CEBPZ: variants seen among roughly 807,000 people sequenced by gnomAD.
CEBPZ encodes the protein CCAAT/enhancer-binding protein zeta.
A neutral mutation model predicts 104.5 loss-of-function variants in CEBPZ; 78 were observed. That is an observed-to-expected ratio of 0.75 (90% confidence interval 0.62 to 0.90). The LOEUF (loss-of-function observed/expected upper bound fraction) is 0.90, where lower values mean the gene tolerates loss of function less well. Among genes scored for constraint, CEBPZ ranks in the 40% least tolerant of loss-of-function variants. The probability of loss-of-function intolerance (pLI) is 0.00; values close to 1 mark genes in which losing one functional copy is unlikely to be tolerated. For missense variants in CEBPZ, 1,439 were observed against 1,233.5 expected, an observed-to-expected ratio of 1.17 and a Z score of -2.50; for synonymous variants, 470 against 427.0, an observed-to-expected ratio of 1.10 and a Z score of -1.24.
At chr2:37,226,795 C>T (rs939127007) in intron 2 of CEBPZ, among the ~76,000 whole-genome samples, 1 of 152,130 alleles carries the variant, frequency 6.6e-6, no homozygotes, top group Admixed American at 6.5e-5. Context: ...AACACAGTTG[C>T]TATGTTCGAC....
rs1665114643 is a variant in CEBPZ, at chr2:37,231,572, G to C, written c.-5C>G. The C allele has an allele frequency of 6.2e-7, 1 of 1,614,112 alleles. No individual in the cohort carries two copies. Among genetic ancestry groups the C allele is most frequent in the African/African-American group, 1.3e-5 (1 of 74,944 alleles). On this transcript the variant is annotated 5_prime_UTR_variant, in exon 1 of 16. Coordinates refer to ENST00000234170, the MANE Select transcript of CEBPZ (RefSeq NM_005760.3). ...AGGCTCCTTGACTGCGGCCATGGCG[G>C]GCAAAGCATACGCGCGTGAAACTCA...
chr2:37,211,357 C>T (rs1294306323), intron 12 of CEBPZ: 1 of 280,294 alleles, frequency 3.6e-6, no homozygotes, highest in South Asian at 1.3e-4. Context: ...CAAGAAACTT[C>T]TGCTGTGGTT....
rs140254376 is a variant in CEBPZ at position 37,201,988 on chromosome 2, A to G, written c.3026-85T>C. 668 of 1,323,132 alleles carry G rather than the reference A, an allele frequency of 5.0e-4. 3 individuals are homozygous for G. The African/African-American group carries it at 7.2e-3, about 14-fold the overall frequency. 82.0% of individuals were successfully genotyped at this position (1,323,132 alleles called of 1,614,324 possible). On this transcript the variant is annotated intron_variant, in intron 15 of 15. Coordinates refer to ENST00000234170, the MANE Select transcript of CEBPZ (RefSeq NM_005760.3). ...CAGAACATGCTGCTGAGTCACAGGA[A>G]CTTCTAGCCTGCCTTGGCCTGTGGT...
chr2:37,223,424 A>G, intron 2 of CEBPZ, 23 bp from the exon 3 acceptor site: 3 of 1,593,112 alleles, frequency 1.9e-6, no homozygotes, highest in Non-Finnish European at 2.6e-6. Context: ...ACCAAGGTCA[A>G]ATATTTATGT....
At chr2:37,219,550 A>C (rs1664714685) in intron 5 of CEBPZ, among the ~76,000 whole-genome samples, 1 of 152,144 alleles carries the variant, frequency 6.6e-6, no homozygotes, top group African/African-American at 2.4e-5. Context: ...CACAGTGATG[A>C]AAACAAATAA....
At chr2:37,206,226 A>G (rs1315131312) in intron 13 of CEBPZ, among the ~76,000 whole-genome samples, 1 of 152,262 alleles carries the variant, frequency 6.6e-6, no homozygotes, top group Non-Finnish European at 1.5e-5. Flanking sequence ...AGCGTGTGGC[A>G]ACGTGTTTAG....
At chr2:37,214,537 G>A (rs1478103831) in intron 9 of CEBPZ, among the ~76,000 whole-genome samples, 2 of 151,882 alleles carry the variant, frequency 1.3e-5, no homozygotes, top group Non-Finnish European at 2.9e-5. Context: ...GGAAATTAAA[G>A]GCTAAATTCC....
At chr2:37,224,928 T>C (rs542602714) in intron 2 of CEBPZ, among the ~76,000 whole-genome samples, 5 of 152,196 alleles carry the variant, frequency 3.3e-5, no homozygotes, top group Non-Finnish European at 7.3e-5. Flanking sequence ...TGTTAGACTA[T>C]GATGTTAAAT....
chr2:37,224,570 C>G (rs202185898), intron 2 of CEBPZ, among the ~76,000 whole-genome samples: 2 of 13,918 alleles, frequency 1.4e-4, no homozygotes, highest in African/African-American at 1.3e-3. Flanking sequence ...TAAATTTTCC[C>G]TCTTTACATT....
intron 9 of CEBPZ, 55 bp from the exon 10 acceptor site, chr2:37,214,016 T>C (rs570537285): frequency 2.0e-6 from 2 of 980,504 alleles, no homozygotes; most frequent in South Asian, 1.9e-5. Flanking sequence ...AATCTTACTA[T>C]ATATCATCAA....
Position 37,213,936 on chromosome 2 carries a change from CT to C in CEBPZ, c.2472del (p.Glu825ArgfsTer12). The C allele has an allele frequency of 6.3e-7, 1 of 1,580,454 alleles. No individual in the cohort carries two copies. ...TCATCTGCATCCCGTTTTTGTTTCT[CT>C]TTAACAGCAACTTTTTTATAATACC... ...FHRYYKKVAV[K>X]EKQKRDADEE... On this transcript the variant is annotated frameshift_variant, in exon 10 of 16. Coordinates refer to ENST00000234170, the MANE Select transcript of CEBPZ (RefSeq NM_005760.3). LOFTEE classifies it high-confidence loss of function.
chr2:37,212,672 T>C (rs1677760817), intron 10 of CEBPZ: 4 of 444,380 alleles, frequency 9.0e-6, no homozygotes, highest in East Asian at 4.1e-5. Flanking sequence ...TAAAATGATA[T>C]TTAGCAATTG....
At chr2:37,207,788 A>C (rs1328641795) in intron 13 of CEBPZ, among the ~76,000 whole-genome samples, 1 of 152,212 alleles carries the variant, frequency 6.6e-6, no homozygotes, top group African/African-American at 2.4e-5. Context: ...GCAGAAGAAA[A>C]GAAATAACAA....
In CEBPZ at chr2:37,221,920, G is replaced by A. The variant is rs1225625821; in HGVS notation, c.2065+460C>T. Among the ~76,000 whole-genome samples the A allele has an allele frequency of 2.0e-5, 3 of 152,086 alleles. No individual in the cohort carries two copies. The East Asian group carries it at 5.8e-4, about 29-fold the overall frequency. On this transcript the variant is annotated intron_variant, in intron 4 of 15. Transcript: ENST00000234170. ...ATTAATAGACTTTTAATTTAGTTTG[G>A]TGTGTGTATAGAAAACCACTTAACG... is the stretch of plus-strand genomic sequence containing the variant.
intron 2 of CEBPZ, among the ~76,000 whole-genome samples, chr2:37,224,201 T>C (rs1369963539): frequency 2.0e-5 from 3 of 152,244 alleles, no homozygotes; most frequent in Non-Finnish European, 4.4e-5. Flanking sequence ...ATTTAGCTAT[T>C]ATGTGCTTGT....
In CEBPZ at chr2:37,220,407, G is replaced by T; in HGVS notation, c.2132C>A (p.Thr711Lys). ...TACCTTTTTGAGTTCCCAAAGACTT[G>T]TATTTTCAGCTCCACAGAACAGAGG... is the stretch of plus-strand genomic sequence containing the variant. ...RNPLFCGAEN[T>K]SLWELKKLSV... The change falls in exon 5 of 16, where the codon ACA becomes AAA. Residue 711 changes from threonine (T) to lysine (K), a missense_variant. Physicochemically the swap from Thr to Lys is moderately conservative, Grantham distance 78. Transcript: ENST00000234170. 3 of 1,590,580 alleles carry T rather than the reference G, an allele frequency of 1.9e-6. No homozygotes were observed. Among genetic ancestry groups the T allele is most frequent in the Non-Finnish European group, 2.6e-6 (3 of 1,164,368 alleles).
intron 5 of CEBPZ, among the ~76,000 whole-genome samples, chr2:37,218,271 AAAAAAAG>A (rs1320414673): frequency 6.6e-6 from 1 of 152,000 alleles, no homozygotes; most frequent in South Asian, 2.1e-4. Context: ...TGCCTCAAAA[AAAAAAAG>A]AAAAAAGAAA....
intron 1 of CEBPZ, among the ~76,000 whole-genome samples, chr2:37,229,877 T>C (rs1204780665): frequency 6.6e-6 from 1 of 152,134 alleles, no homozygotes; most frequent in Non-Finnish European, 1.5e-5. Flanking sequence ...AATTTTTTTT[T>C]GAGATGAGGT....
chr2:37,228,178 G>A lies in CEBPZ; in HGVS notation c.1015C>T (p.Leu339=). The part of the protein sequence containing the change: ...RLILWYFEHQ[L]KHLVAEFVQV... ...ACAAATTCAGCCACTAAGTGTTTCAGCTGGTGTTCAAAATACCATAATATC... is the reference window on the plus strand; with the variant it reads ...ACAAATTCAGCCACTAAGTGTTTCAACTGGTGTTCAAAATACCATAATATC... Residue 339 remains leucine, a synonymous_variant, in exon 2 of 16, where the codon CTG becomes TTG. Coordinates refer to ENST00000234170, the MANE Select transcript of CEBPZ (RefSeq NM_005760.3). 10 of 1,614,200 alleles carry A rather than the reference G, an allele frequency of 6.2e-6. No homozygotes were observed. Among genetic ancestry groups the A allele is most frequent in the Non-Finnish European group, 8.5e-6 (10 of 1,180,034 alleles).
Sources: gnomAD v4.1 joint callset for allele counts (sites outside exome capture counted in the v4.1 genomes callset) on GRCh38, gnomAD v4.1.1 for gene constraint, MANE v1.5 for transcripts, NCBI Gene and HGNC (gene_info 2026-07-23, HGNC 2026-07-21) for gene names.